SCGB2B2: variants seen among roughly 807,000 people sequenced by gnomAD.
SCGB2B2 encodes secretoglobin family 2B member 2, also known as secretoglobin-like protein.
In SCGB2B2, 11 loss-of-function variants were observed where a neutral mutation model predicts 7.6. The observed-to-expected ratio is 1.45, with a 90% CI of 0.91 to 2.40. The LOEUF is 2.40. SCGB2B2 is among the 30% of genes most tolerant of loss of function. The pLI is 0.00. For synonymous variants in SCGB2B2, 50 were observed against 48.6 expected (o/e 1.03, Z -0.12); for missense variants, 104 against 115.4 (o/e 0.90, Z 0.45).
Position 34,594,882 on chromosome 19 carries a change from C to A in SCGB2B2, c.-319G>T, listed in dbSNP as rs890844567. The stretch of plus-strand genomic sequence containing the variant: ...CAGGCTGAACACTGGTGTAAGCCTG[C>A]AAGTCTGAGTGTGCATGCACATGTG... On this transcript the variant is annotated 5_prime_UTR_variant, in exon 2 of 4. Coordinates refer to ENST00000601241, the MANE Select transcript of SCGB2B2 (RefSeq NM_001025591.4). The A allele has an allele frequency of 2.5e-6, 1 of 405,040 alleles. No individual in the cohort carries two copies. The highest frequency in any genetic ancestry group is 4.8e-5 in the East Asian group (1 of 21,040). The allele number at this position is 405,040 out of a possible 1,614,324, so 25.1% of individuals were successfully genotyped here. A position where few individuals can be genotyped will look rare whatever the true frequency, so the allele number is the denominator to read the frequency against.
intron 1 of SCGB2B2, among the ~76,000 whole-genome samples, chr19:34,626,176 C>T (rs10425254): frequency 0.49 from 75,191 of 151,922 alleles, 19,392 homozygotes; most frequent in African/African-American, 0.63. Flanking sequence ...AGCAGAAAAA[C>T]TGGAAACTCT....
At chr19:34,644,978 G>A (rs980263222) in intron 1 of SCGB2B2, among the ~76,000 whole-genome samples, 11 of 152,242 alleles carry the variant, frequency 7.2e-5, no homozygotes, top group Non-Finnish European at 1.2e-4. Flanking sequence ...TCACAGATGA[G>A]CAAGCTGAGT....
intron 1 of SCGB2B2, among the ~76,000 whole-genome samples, chr19:34,666,663 A>G (rs1457700857): frequency 2.6e-5 from 4 of 152,074 alleles, no homozygotes; most frequent in Admixed American, 1.3e-4. Flanking sequence ...CCATCTCCCC[A>G]AATGCCAGAG....
At chr19:34,614,411 T>C (rs895912805) in intron 1 of SCGB2B2, among the ~76,000 whole-genome samples, 4 of 152,194 alleles carry the variant, frequency 2.6e-5, no homozygotes, top group Admixed American at 6.5e-5. Flanking sequence ...CTGTCCATTT[T>C]ATTTTTTAAA....
At chr19:34,645,934 C>T (rs533044551) in intron 1 of SCGB2B2, 41 of 277,614 alleles carry the variant, frequency 1.5e-4, no homozygotes, top group African/African-American at 9.1e-4. Context: ...GTTGCTTTTG[C>T]ATACCCAGAG....
At chr19:34,638,584 G>A (rs988718547) in intron 1 of SCGB2B2, among the ~76,000 whole-genome samples, 1 of 152,010 alleles carries the variant, frequency 6.6e-6, no homozygotes, top group African/African-American at 2.4e-5. Flanking sequence ...TATTACCATT[G>A]GCCTTGATAG....
At chr19:34,611,447 CT>C (rs1387695662) in intron 1 of SCGB2B2, among the ~76,000 whole-genome samples, 2 of 151,930 alleles carry the variant, frequency 1.3e-5, no homozygotes, top group African/African-American at 4.8e-5. Context: ...GATGTGAGTA[CT>C]TACTATTAAA....
At chr19:34,599,210 G>A (rs2065546701) in intron 1 of SCGB2B2, among the ~76,000 whole-genome samples, 1 of 152,248 alleles carries the variant, frequency 6.6e-6, no homozygotes, top group Non-Finnish European at 1.5e-5. Context: ...GCTGAGCAGG[G>A]AGTAGTCCCA....
intron 1 of SCGB2B2, among the ~76,000 whole-genome samples, chr19:34,613,148 G>A (rs939660394): frequency 7.9e-5 from 12 of 151,380 alleles, no homozygotes; most frequent in African/African-American, 2.9e-4. Context: ...GCCCAGGGTG[G>A]AGTGCAGCGG....
chr19:34,623,357 T>C (rs139218815), intron 1 of SCGB2B2, among the ~76,000 whole-genome samples: 2 of 152,266 alleles, frequency 1.3e-5, no homozygotes, highest in Non-Finnish European at 2.9e-5. Context: ...TTGTTAAGTA[T>C]CTGGAAAGAG....
At chr19:34,636,810 TC>T (rs1397792685) in intron 1 of SCGB2B2, among the ~76,000 whole-genome samples, 1 of 152,048 alleles carries the variant, frequency 6.6e-6, no homozygotes, top group African/African-American at 2.4e-5. Flanking sequence ...CGTTAAGCCA[TC>T]CCTCACTTCC....
chr19:34,658,816 A>AAC (rs2067362827), intron 1 of SCGB2B2, among the ~76,000 whole-genome samples: 288 of 96,968 alleles, frequency 3.0e-3, no homozygotes, highest in African/African-American at 4.1e-3. Context: ...ACAACAACAA[A>AAC]AAAAAAAAAA....
chr19:34,642,577 A>G (rs542833616), intron 1 of SCGB2B2, among the ~76,000 whole-genome samples: 34 of 151,898 alleles, frequency 2.2e-4, no homozygotes, highest in African/African-American at 8.0e-4. Flanking sequence ...TTAGCCGGGC[A>G]TGGTGGCGGG....
chr19:34,667,652 T>G (rs2067672020), intron 1 of SCGB2B2, among the ~76,000 whole-genome samples: 1 of 152,250 alleles, frequency 6.6e-6, no homozygotes, highest in African/African-American at 2.4e-5. Flanking sequence ...ACTTTCACTT[T>G]CAGTTAAGTC....
At chr19:34,604,274 G>C (rs1343350658) in intron 1 of SCGB2B2, among the ~76,000 whole-genome samples, 8 of 152,214 alleles carry the variant, frequency 5.3e-5, no homozygotes, top group Admixed American at 4.6e-4. Context: ...ACAATAGGGA[G>C]TTAATTGCTT....
chr19:34,623,268 T>C (rs528233217), intron 1 of SCGB2B2, among the ~76,000 whole-genome samples: 2 of 152,226 alleles, frequency 1.3e-5, no homozygotes, highest in East Asian at 3.9e-4. Context: ...AGTTGGGACT[T>C]TCCTAAAGCA....
chr19:34,622,340 G>A (rs1055877906), intron 1 of SCGB2B2, among the ~76,000 whole-genome samples: 7 of 152,156 alleles, frequency 4.6e-5, no homozygotes, highest in African/African-American at 1.7e-4. Flanking sequence ...GCCTTTTTGA[G>A]CCCCAGGTTC....
chr19:34,606,511 C>CTTTTCTTT (rs775984236), intron 1 of SCGB2B2, among the ~76,000 whole-genome samples: 2 of 92,576 alleles, frequency 2.2e-5, no homozygotes, highest in Admixed American at 1.0e-4. Context: ...TTTTTCTTTT[C>CTTTTCTTT]TTTTTCTTTT....
chr19:34,670,190 G>C (rs1039290020), intron 1 of SCGB2B2, among the ~76,000 whole-genome samples: 5 of 152,142 alleles, frequency 3.3e-5, no homozygotes, highest in Non-Finnish European at 7.4e-5. Flanking sequence ...TCTAAGAAAA[G>C]ACTAATCCTG....
Sources: allele counts gnomAD v4.1 joint callset (sites outside exome capture counted in the v4.1 genomes callset), GRCh38; gene constraint gnomAD v4.1.1; transcripts MANE v1.5; gene names NCBI Gene and HGNC (gene_info 2026-07-23, HGNC 2026-07-21).